The following SLC25A45 variants were observed in gnomAD, a reference collection of about 807,000 sequenced individuals.
SLC25A45 encodes the protein solute carrier family 25 member 45, also known as methylated amino-acid transporter SLC25A45.
In SLC25A45, 22 loss-of-function variants were observed where a neutral mutation model predicts 23.0. The ratio of observed to expected loss-of-function variants is 0.95; its 90% CI spans 0.68 to 1.36. The LOEUF (loss-of-function observed/expected upper bound fraction) is 1.36, where lower values mean the gene tolerates loss of function less well. Among genes scored for constraint, SLC25A45 ranks in the 40% most tolerant of loss-of-function variants. SLC25A45 has a pLI of 0.00. For missense variants in SLC25A45, 355 were observed against 383.5 expected, an observed-to-expected ratio of 0.93 and a Z score of 0.62; for synonymous variants, 136 against 155.0, an observed-to-expected ratio of 0.88 and a Z score of 0.91.
intron 2 of SLC25A45, chr11:65,380,476 C>A: frequency 7.7e-7 from 1 of 1,304,708 alleles, no homozygotes; most frequent in Non-Finnish European, 1.0e-6. Flanking sequence ...GAGCCCATAC[C>A]CGGGTATCCC....
chr11:65,376,069 CAAAAAAA>C lies in SLC25A45; in HGVS notation c.*331_*337del, dbSNP rs35193480. Reference sequence around the variant, plus strand: ...TGGGTGACAGAGAAAGACTCCATCTCAAAAAAAAAAAAAAAAAAAAAAAGAGGTGAAG... The same window carrying C: ...TGGGTGACAGAGAAAGACTCCATCTCAAAAAAAAAAAAAAAAGAGGTGAAG... On this transcript the variant is annotated 3_prime_UTR_variant, in exon 7 of 7. Coordinates refer to ENST00000398802, the MANE Select transcript of SLC25A45 (RefSeq NM_182556.4). 29 of 108,674 alleles carry C rather than the reference CAAAAAAA, an allele frequency of 2.7e-4. No homozygotes were observed. Among genetic ancestry groups the C allele is most frequent in the Non-Finnish European group, 3.3e-4 (19 of 57,014 alleles). The allele number at this position is 108,674 out of a possible 1,614,324, so 6.7% of individuals were successfully genotyped here. A position where few individuals can be genotyped will look rare whatever the true frequency, so the allele number is the denominator to read the frequency against.
chr11:65,380,406 C>T, intron 2 of SLC25A45: 1 of 915,726 alleles, frequency 1.1e-6, no homozygotes, highest in Non-Finnish European at 1.6e-6. Context: ...ACCCCAGGCC[C>T]CACCTGAGGA....
chr11:65,377,512 C>G, intron 5 of SLC25A45: 1 of 708,036 alleles, frequency 1.4e-6, no homozygotes, highest in Non-Finnish European at 1.8e-6. Flanking sequence ...AAGGAGGTCC[C>G]CTCGTGAGTG....
intron 2 of SLC25A45, chr11:65,380,432 G>T: frequency 9.6e-7 from 1 of 1,042,476 alleles, no homozygotes; most frequent in African/African-American, 1.6e-5. Flanking sequence ...ACCCAAGAGG[G>T]AAGAGCCAGC....
At chr11:65,379,757 T>G in intron 4 of SLC25A45, 110 bp downstream of exon 4, 1 of 1,443,896 alleles carries the variant, frequency 6.9e-7, no homozygotes, top group Non-Finnish European at 9.6e-7. Flanking sequence ...GATCCCAGAC[T>G]TGGTCTTCTC....
chr11:65,380,364 G>T, intron 2 of SLC25A45, 189 bp from the exon 3 acceptor site: 2 of 941,380 alleles, frequency 2.1e-6, no homozygotes, highest in Non-Finnish European at 3.2e-6. Flanking sequence ...CACAGGCACT[G>T]GGCCAGGAAG....
chr11:65,379,697 G>T, intron 4 of SLC25A45, 136 bp from the exon 5 acceptor site: 1 of 1,249,218 alleles, frequency 8.0e-7, no homozygotes, highest in Non-Finnish European at 1.1e-6. Context: ...GGCAGGGATG[G>T]GCTGAGGCTG....
Position 65,382,528 on chromosome 11 carries a change from A to C in SLC25A45, c.-61T>G, listed in dbSNP as rs528723120. 43 of 153,836 alleles carry C rather than the reference A, an allele frequency of 2.8e-4. 1 individual carries two copies. In the South Asian group the frequency reaches 7.2e-3, roughly 26 times the overall value. The allele number at this position is 153,836 out of a possible 1,614,324, so 9.5% of individuals were successfully genotyped here. A position where few individuals can be genotyped will look rare whatever the true frequency, so the allele number is the denominator to read the frequency against. ...TTCAGGGTTGTTTACGACTCCCCCG[A>C]CTCCCCCGTGTGAGTCAGAAACACA... On this transcript the variant is annotated 5_prime_UTR_variant, in exon 1 of 7. Coordinates refer to ENST00000398802, the MANE Select transcript of SLC25A45 (RefSeq NM_182556.4). This position sits in a 1 kb window ranked among gnomAD's most constrained non-coding sequence, Gnocchi z 4.4.
At chr11:65,379,725 G>A in intron 4 of SLC25A45, 142 bp downstream of exon 4, 1 of 1,283,394 alleles carries the variant, frequency 7.8e-7, no homozygotes, top group Non-Finnish European at 1.1e-6. Flanking sequence ...GGGGTGCTAA[G>A]CTACCACCCA....
At position 65,379,903 on chromosome 11, in the gene SLC25A45, G is replaced by T. The variant is rs753867217; in HGVS notation, c.117C>A (p.Ile39=). The T allele has an allele frequency of 1.9e-6, 3 of 1,614,092 alleles. No homozygotes were observed. Among genetic ancestry groups the T allele is most frequent in the Non-Finnish European group, 1.7e-6 (2 of 1,180,038 alleles). ...GGTAAATCTTGACCATGCAATCAAC[G>T]ATGCCCCGGTAGGTGGTCTGGGTCT... ...RLQTQTTYRG[I]VDCMVKIYRH... The change falls in exon 4 of 7, where the codon ATC becomes ATA. Residue 39 remains isoleucine, a synonymous_variant. Coordinates refer to ENST00000398802, the MANE Select transcript of SLC25A45 (RefSeq NM_182556.4).
Position 65,375,286 on chromosome 11 carries a change from A to G in SLC25A45, c.*1121T>C, listed in dbSNP as rs1391528236. ...CGCAATCCCTGACCTCAGGCAGCTCACAGTCCAGTGGGGAAGCCGAGAAGC... is the reference window on the plus strand; with the variant it reads ...CGCAATCCCTGACCTCAGGCAGCTCGCAGTCCAGTGGGGAAGCCGAGAAGC... On this transcript the variant is annotated 3_prime_UTR_variant, in exon 7 of 7. Coordinates refer to ENST00000398802, the MANE Select transcript of SLC25A45 (RefSeq NM_182556.4). The G allele has an allele frequency of 6.6e-6, 1 of 152,418 alleles. No homozygotes were observed. Among genetic ancestry groups the G allele is most frequent in the Non-Finnish European group, 1.5e-5 (1 of 68,160 alleles). 9.4% of individuals were successfully genotyped at this position (152,418 alleles called of 1,614,324 possible).
At position 65,376,227 on chromosome 11, in the gene SLC25A45, C is replaced by T. The variant is rs1855159895; in HGVS notation, c.*180G>A. The T allele has an allele frequency of 2.9e-6, 2 of 685,448 alleles. No homozygotes were observed. Among genetic ancestry groups the T allele is most frequent in the Non-Finnish European group, 4.8e-6 (2 of 418,076 alleles). The allele number at this position is 685,448 out of a possible 1,614,324, so 42.5% of individuals were successfully genotyped here. On this transcript the variant is annotated 3_prime_UTR_variant, in exon 7 of 7. Coordinates refer to ENST00000398802, the MANE Select transcript of SLC25A45 (RefSeq NM_182556.4). ...AGCTACACAGGGAGGCTGCACAGGC[C>T]CCCTGGCTTCCGGCTCCCACAGGTG...
chr11:65,376,362 C>G lies in SLC25A45; in HGVS notation c.*45G>C, dbSNP rs567706022. On this transcript the variant is annotated 3_prime_UTR_variant, in exon 7 of 7. Transcript: ENST00000398802. ...CTGGCCTCCAATCTCAAACTGGCCTCCAGGCCGTGGGCCTGATGGGGAGCT... is the reference window on the plus strand; with the variant it reads ...CTGGCCTCCAATCTCAAACTGGCCTGCAGGCCGTGGGCCTGATGGGGAGCT... 1.3e-6 allele frequency: 2 copies of G among 1,596,754 alleles called. No individual in the cohort carries two copies. Among genetic ancestry groups the G allele is most frequent in the East Asian group, 2.3e-5 (1 of 44,432 alleles).
At position 65,382,243 on chromosome 11, in the gene SLC25A45, G is replaced by A; in HGVS notation, c.-19+243C>T. ...GCCAATGATCCTCGCTCTGAGGATG[G>A]CAACTGGGTTCCTGCCCCATGGTCG... On this transcript the variant is annotated intron_variant, in intron 1 of 6. Coordinates refer to ENST00000398802, the MANE Select transcript of SLC25A45 (RefSeq NM_182556.4). The surrounding 1 kb of genome is among the most constrained non-coding windows in gnomAD (Gnocchi z 4.4). 1 of 500,274 alleles carries A rather than the reference G, an allele frequency of 2.0e-6. No homozygotes were observed. Among genetic ancestry groups the A allele is most frequent in the Non-Finnish European group, 3.7e-6 (1 of 273,454 alleles). 31.0% of individuals were successfully genotyped at this position (500,274 alleles called of 1,614,324 possible).
chr11:65,379,386 C>G lies in SLC25A45; in HGVS notation c.329G>C (p.Gly110Ala). Residue 110 changes from glycine to alanine, a missense_variant, in exon 5 of 7, where the codon GGG (glycine) becomes GCG (alanine). Transcript: ENST00000398802. ...MHIFLAGCTG[G>A]FLQAYCLAPF... ...TCACTGCCCCCTCACCTGCAGGAAC[C>G]CCCCGGTGCAGCCCGCTAGGAAGAT... 1 of 1,609,762 alleles carries G rather than the reference C, an allele frequency of 6.2e-7. No individual in the cohort carries two copies. Among genetic ancestry groups the G allele is most frequent in the Non-Finnish European group, 8.5e-7 (1 of 1,179,874 alleles).
chr11:65,379,189 G>GC (rs905687792), intron 5 of SLC25A45, 187 bp downstream of exon 5: 2 of 641,948 alleles, frequency 3.1e-6, no homozygotes, highest in African/African-American at 3.7e-5. Flanking sequence ...TCTGCCTTTT[G>GC]CCCCCTCTGT....
chr11:65,381,093 G>C (rs1421561913), intron 2 of SLC25A45: 2 of 153,874 alleles, frequency 1.3e-5, no homozygotes, highest in Non-Finnish European at 2.9e-5. Flanking sequence ...ACTCCCCAGA[G>C]GACTGGGGAC....
At chr11:65,379,739 C>T in intron 4 of SLC25A45, 128 bp downstream of exon 4, 1 of 1,335,188 alleles carries the variant, frequency 7.5e-7, no homozygotes, top group Non-Finnish European at 1.0e-6. Context: ...CCACCCAGGC[C>T]CCCCAAGGAT....
rs944764180 is a variant in SLC25A45, at chr11:65,376,411, C to T, written c.863G>A (p.Gly288Glu). 4.3e-6 allele frequency: 7 copies of T among 1,612,712 alleles called. No individual in the cohort carries two copies. The highest frequency in any genetic ancestry group is 5.9e-6 in the Non-Finnish European group (7 of 1,178,794). The change falls in exon 7 of 7, where the codon GGA (glycine) becomes GAA (glutamate). Residue 288 changes from glycine to glutamate, a missense_variant. Gly to Glu is a moderately conservative substitution (Grantham distance 98). Transcript: ENST00000398802. Reference protein sequence around the residue: ...LSYEYLLRWWG With the variant: ...LSYEYLLRWWE Reference sequence around the variant, plus strand: ...CTGCTGGCATTGCCGCAGGGCTCATCCCCACCAGCGGAGGAGATATTCGTA... The same window carrying T: ...CTGCTGGCATTGCCGCAGGGCTCATTCCCACCAGCGGAGGAGATATTCGTA...
Sources: allele counts gnomAD v4.1 joint callset, GRCh38; gene constraint gnomAD v4.1.1; non-coding constraint Gnocchi (gnomAD v3.1); transcripts MANE v1.5; gene names NCBI Gene and HGNC (gene_info 2026-07-23, HGNC 2026-07-21).